APBB2: variants seen among roughly 807,000 people sequenced by gnomAD.
The protein encoded by APBB2 is amyloid beta precursor protein binding family B member 2, also known as Fe65-like 1.
In APBB2, 38 loss-of-function variants were observed where a neutral mutation model predicts 82.5. The ratio of observed to expected loss-of-function variants is 0.46; its 90% confidence interval spans 0.36 to 0.60. The LOEUF is 0.60. APBB2 is among the 20% of genes least tolerant of loss of function. APBB2 has a pLI of 0.00. For missense variants in APBB2, 772 were observed against 972.3 expected, an observed-to-expected ratio of 0.79 and a Z score of 2.74; for synonymous variants, 341 against 368.2, an observed-to-expected ratio of 0.93 and a Z score of 0.85.
At chr4:41,029,795 T>C (rs986238084) in intron 5 of APBB2, among the ~76,000 whole-genome samples, 1 of 152,148 alleles carries the variant, frequency 6.6e-6, no homozygotes, top group African/African-American at 2.4e-5. Flanking sequence ...ATGGCTGAAG[T>C]TGGCAGAGGG....
At chr4:40,888,219 T>G (rs1217636912) in intron 12 of APBB2, among the ~76,000 whole-genome samples, 1 of 152,234 alleles carries the variant, frequency 6.6e-6, no homozygotes, top group Admixed American at 6.5e-5. Flanking sequence ...TGTGTTGTGG[T>G]CCTTATTATG....
chr4:41,194,843 T>G, intron 1 of APBB2, among the ~76,000 whole-genome samples: 1 of 152,184 alleles, frequency 6.6e-6, no homozygotes, highest in Non-Finnish European at 1.5e-5. Flanking sequence ...TCACTCGTTT[T>G]TCTTTTTTTA....
intron 6 of APBB2, among the ~76,000 whole-genome samples, chr4:40,961,875 C>T (rs1433840035): frequency 6.6e-6 from 1 of 152,078 alleles, no homozygotes; most frequent in Non-Finnish European, 1.5e-5. Flanking sequence ...CAAATGCAGA[C>T]ACTGCATTGG....
chr4:41,160,946 A>G (rs1764984097), intron 1 of APBB2, among the ~76,000 whole-genome samples: 1 of 152,146 alleles, frequency 6.6e-6, no homozygotes, highest in South Asian at 2.1e-4. Flanking sequence ...GGAAGGAGGT[A>G]GATAAGTAAT....
chr4:40,995,044 C>CT (rs1330062913), intron 6 of APBB2, among the ~76,000 whole-genome samples: 2 of 152,024 alleles, frequency 1.3e-5, no homozygotes, highest in East Asian at 3.9e-4. Flanking sequence ...CAAGTAGCAT[C>CT]ATCTCAAGGG....
chr4:40,943,664 G>T (rs1213699506), intron 7 of APBB2, among the ~76,000 whole-genome samples: 4 of 152,218 alleles, frequency 2.6e-5, no homozygotes, highest in Non-Finnish European at 5.9e-5. Context: ...ATTGCCCAGG[G>T]AGTAGGAATT....
At chr4:41,095,228 A>G (rs1743105124) in intron 3 of APBB2, among the ~76,000 whole-genome samples, 1 of 152,248 alleles carries the variant, frequency 6.6e-6, no homozygotes, top group South Asian at 2.1e-4. Flanking sequence ...TGGGGTAATA[A>G]CATCCACTGC....
intron 2 of APBB2, among the ~76,000 whole-genome samples, chr4:41,116,326 C>T (rs1332108220): frequency 6.6e-6 from 1 of 151,944 alleles, no homozygotes; most frequent in East Asian, 1.9e-4. Context: ...GGGTGGGGGG[C>T]CAGGGGAGGG....
intron 2 of APBB2, among the ~76,000 whole-genome samples, chr4:41,138,815 C>A (rs1261172620): frequency 6.6e-6 from 1 of 152,090 alleles, no homozygotes; most frequent in Non-Finnish European, 1.5e-5. Flanking sequence ...ATGACATAAT[C>A]TGGTATATAG....
At chr4:40,992,795 A>G (rs541001872) in intron 6 of APBB2, among the ~76,000 whole-genome samples, 7 of 152,238 alleles carry the variant, frequency 4.6e-5, no homozygotes, top group Non-Finnish European at 7.4e-5. Context: ...CCCTTCAAGT[A>G]AGACCGAGGC....
At chr4:40,872,001 A>T (rs2154341138) in intron 12 of APBB2, among the ~76,000 whole-genome samples, 1 of 152,352 alleles carries the variant, frequency 6.6e-6, no homozygotes. Context: ...GTGTGCTGTG[A>T]AGATTCACTC....
intron 1 of APBB2, among the ~76,000 whole-genome samples, chr4:41,174,602 A>G (rs1769257629): frequency 6.6e-6 from 1 of 152,206 alleles, no homozygotes. Flanking sequence ...GAAGGCATTT[A>G]GAAACATACA....
chr4:40,965,453 G>C (rs1044078338), intron 6 of APBB2, among the ~76,000 whole-genome samples: 1 of 152,158 alleles, frequency 6.6e-6, no homozygotes. Flanking sequence ...CTGTCCAATA[G>C]GGGAGTCAGT....
At chr4:41,146,819 C>T (rs1395160115) in intron 1 of APBB2, among the ~76,000 whole-genome samples, 5 of 152,134 alleles carry the variant, frequency 3.3e-5, no homozygotes, top group African/African-American at 7.2e-5. Flanking sequence ...CATCCTTTCC[C>T]GACTGTGCAT....
intron 10 of APBB2, among the ~76,000 whole-genome samples, chr4:40,911,108 C>A (rs12644695): frequency 0.27 from 40,615 of 152,242 alleles, 6,190 homozygotes; most frequent in East Asian, 0.54. Flanking sequence ...AGGGTTGACC[C>A]TTGAACAACA....
chr4:41,140,091 A>G (rs970829398), intron 2 of APBB2, among the ~76,000 whole-genome samples: 2 of 152,228 alleles, frequency 1.3e-5, no homozygotes, highest in African/African-American at 4.8e-5. Context: ...ATCATTAAAA[A>G]GAGGAAATAA....
At chr4:40,939,226 G>A (rs1313897939) in intron 7 of APBB2, among the ~76,000 whole-genome samples, 1 of 152,180 alleles carries the variant, frequency 6.6e-6, no homozygotes, top group African/African-American at 2.4e-5. Flanking sequence ...CACATTGCCT[G>A]CTGGAATGCT....
chr4:40,856,699 G>C (rs941204948), intron 12 of APBB2, among the ~76,000 whole-genome samples: 3 of 151,954 alleles, frequency 2.0e-5, no homozygotes, highest in African/African-American at 7.3e-5. Flanking sequence ...GAAATGCCCC[G>C]TGCAGACCCC....
chr4:40,971,801 C>T lies in APBB2; in HGVS notation c.836-26728G>A, dbSNP rs150916270. Among the ~76,000 whole-genome samples the T allele has an allele frequency of 1.8e-4, 28 of 152,266 alleles. No individual in the cohort carries two copies. In the East Asian group the frequency reaches 5.0e-3, roughly 27 times the overall value. ...CCAGGTGGCAGATATTTTGCTTTAA[C>T]ATTAAAATTAGTGAAAGTAATCCCT... On this transcript the variant is annotated intron_variant, in intron 6 of 17. Transcript: ENST00000508593.
Sources: allele counts gnomAD v4.1 joint callset (sites outside exome capture counted in the v4.1 genomes callset), GRCh38; gene constraint gnomAD v4.1.1; transcripts MANE v1.5; gene names NCBI Gene and HGNC (gene_info 2026-07-23, HGNC 2026-07-21).